KCNH7: variants seen among roughly 807,000 people sequenced by gnomAD.
KCNH7 encodes voltage-gated inwardly rectifying potassium channel KCNH7.
Under a neutral mutation model 120.8 loss-of-function variants are expected in KCNH7, and 49 were observed. The ratio of observed to expected loss-of-function variants is 0.41; its 90% confidence interval spans 0.32 to 0.51. The LOEUF is 0.51. Among genes scored for constraint, KCNH7 ranks in the 20% least tolerant of loss-of-function variants. KCNH7 has a pLI of 0.38. For missense variants in KCNH7, 1,097 were observed against 1,446.6 expected, an observed-to-expected ratio of 0.76 and a Z score of 3.92; for synonymous variants, 547 against 516.1, an observed-to-expected ratio of 1.06 and a Z score of -0.81.
chr2:162,434,127 G>T (rs1391225887), intron 8 of KCNH7, among the ~76,000 whole-genome samples: 5 of 152,080 alleles, frequency 3.3e-5, no homozygotes, highest in Non-Finnish European at 4.4e-5. Flanking sequence ...ATTAATACAG[G>T]AACAGAAAAC....
At chr2:162,686,127 G>A (rs1685882385) in intron 2 of KCNH7, among the ~76,000 whole-genome samples, 1 of 152,084 alleles carries the variant, frequency 6.6e-6, no homozygotes, top group African/African-American at 2.4e-5. Flanking sequence ...ATTACCATCT[G>A]AAGGGTATAA....
chr2:162,515,183 A>T (rs1256087413), intron 4 of KCNH7, among the ~76,000 whole-genome samples: 1 of 151,464 alleles, frequency 6.6e-6, no homozygotes, highest in Non-Finnish European at 1.5e-5. Flanking sequence ...TGACTCTAGC[A>T]TAATCTGTAA....
intron 9 of KCNH7, among the ~76,000 whole-genome samples, chr2:162,410,414 A>C (rs932625784): frequency 2.0e-5 from 3 of 151,940 alleles, no homozygotes; most frequent in Non-Finnish European, 4.4e-5. Flanking sequence ...TTTTTCCATC[A>C]ACAAAAATTA....
rs148084667 is a variant in KCNH7 at position 162,653,707 on chromosome 2, A to T, written c.308-116627T>A. On this transcript the variant is annotated intron_variant, in intron 2 of 15. Transcript: ENST00000332142. ...AATAGCAGAAGGTATCTTGAGTAAA[A>T]AGAAAAAAGTTGAAGGCATCACACT... is the stretch of plus-strand genomic sequence containing the variant. Among the ~76,000 whole-genome samples, 689 of 152,332 alleles carry T rather than the reference A, an allele frequency of 4.5e-3. 9 individuals carry two copies. The highest frequency in any genetic ancestry group is 0.016 in the African/African-American group (656 of 41,582).
intron 2 of KCNH7, among the ~76,000 whole-genome samples, chr2:162,636,541 G>T (rs559560345): frequency 1.4e-4 from 22 of 152,196 alleles, no homozygotes; most frequent in African/African-American, 4.8e-4. Flanking sequence ...AGGCCTGGAT[G>T]ATTCAAAGCA....
intron 6 of KCNH7, among the ~76,000 whole-genome samples, chr2:162,470,980 T>G (rs1689504168): frequency 6.6e-6 from 1 of 152,158 alleles, no homozygotes; most frequent in Non-Finnish European, 1.5e-5. Context: ...ATGTGCTGTG[T>G]CCACTCAGGG....
intron 2 of KCNH7, among the ~76,000 whole-genome samples, chr2:162,554,236 A>C (rs1169729633): frequency 6.6e-6 from 1 of 152,080 alleles, no homozygotes; most frequent in Non-Finnish European, 1.5e-5. Flanking sequence ...GGCATGTTTG[A>C]CTCATCTCCT....
chr2:162,520,308 A>G (rs1691475696), intron 3 of KCNH7, among the ~76,000 whole-genome samples: 3 of 151,138 alleles, frequency 2.0e-5, no homozygotes, highest in African/African-American at 7.3e-5. Context: ...TATTGATTTC[A>G]CCTCCTGAAT....
chr2:162,492,433 T>C (rs775337644), intron 6 of KCNH7, among the ~76,000 whole-genome samples: 1 of 152,210 alleles, frequency 6.6e-6, no homozygotes, highest in Non-Finnish European at 1.5e-5. Flanking sequence ...GCCATTTTAA[T>C]GGCCACATGG....
At chr2:162,485,778 C>T (rs922975960) in intron 6 of KCNH7, among the ~76,000 whole-genome samples, 1 of 152,068 alleles carries the variant, frequency 6.6e-6, no homozygotes, top group Non-Finnish European at 1.5e-5. Context: ...ATGGATATAC[C>T]TGTGGGCATA....
chr2:162,793,310 G>A (rs1684024688), intron 2 of KCNH7, among the ~76,000 whole-genome samples: 1 of 151,958 alleles, frequency 6.6e-6, no homozygotes, highest in African/African-American at 2.4e-5. Flanking sequence ...GTGTGGTGTA[G>A]GAGGAGGGAG....
At chr2:162,698,440 T>A (rs1224737443) in intron 2 of KCNH7, among the ~76,000 whole-genome samples, 4 of 152,120 alleles carry the variant, frequency 2.6e-5, no homozygotes, top group South Asian at 2.1e-4. Flanking sequence ...TTTATTTTTT[T>A]TTTTTTAACT....
In KCNH7 at chr2:162,400,582, T is replaced by C. The variant is rs1412298456; in HGVS notation, c.2155-141A>G. 3.9e-6 allele frequency: 3 copies of C among 767,614 alleles called. No homozygotes were observed. In the South Asian group the frequency reaches 5.3e-5, roughly 13 times the overall value. 47.6% of individuals were successfully genotyped at this position (767,614 alleles called of 1,614,324 possible). On this transcript the variant is annotated intron_variant, in intron 9 of 15. Transcript: ENST00000332142. ...CTACTACTCTTCTACCTCGCCTACC[T>C]TAATGAATACTTGATTTGCTAAACA...
chr2:162,748,927 TTTCC>T (rs1219510782), intron 2 of KCNH7, among the ~76,000 whole-genome samples: 3,272 of 27,802 alleles, frequency 0.12, 180 homozygotes, highest in Non-Finnish European at 0.12. Context: ...TTCCCTTTCC[TTTCC>T]TTCCTTCCTT....
chr2:162,464,748 T>C (rs1689255640), intron 6 of KCNH7, among the ~76,000 whole-genome samples: 1 of 152,026 alleles, frequency 6.6e-6, no homozygotes. Context: ...ACAGAAGCAA[T>C]GTCTTTTAAC....
intron 2 of KCNH7, among the ~76,000 whole-genome samples, chr2:162,570,049 C>T (rs867020802): frequency 8.5e-5 from 12 of 140,442 alleles, no homozygotes; most frequent in African/African-American, 3.3e-4. Flanking sequence ...ATTAGGTCTG[C>T]TTGGTGCAGA....
intron 2 of KCNH7, among the ~76,000 whole-genome samples, chr2:162,764,951 A>G (rs1682726759): frequency 6.6e-6 from 1 of 152,200 alleles, no homozygotes; most frequent in African/African-American, 2.4e-5. Flanking sequence ...TGTTAGACAT[A>G]TATAGCCATA....
chr2:162,815,974 T>C (rs1437515165), intron 2 of KCNH7, among the ~76,000 whole-genome samples: 3 of 152,184 alleles, frequency 2.0e-5, no homozygotes, highest in Non-Finnish European at 2.9e-5. Context: ...AAATCTGCCT[T>C]ACGGCAGGGT....
In KCNH7 at chr2:162,379,618, T is replaced by C. The variant is rs372470283; in HGVS notation, c.3131+235A>G. ...AAGATAGCCAGTGCTGGTGAAATAC[T>C]AACTGGATGACAAAGAAAAAAATAG... On this transcript the variant is annotated intron_variant, in intron 14 of 15. Coordinates refer to ENST00000332142, the MANE Select transcript of KCNH7 (RefSeq NM_033272.4). Among the ~76,000 whole-genome samples the C allele has an allele frequency of 3.9e-5, 6 of 152,274 alleles. No individual in the cohort carries two copies. In the East Asian group the frequency reaches 5.8e-4, roughly 15 times the overall value.
Sources: allele counts gnomAD v4.1 joint callset (sites outside exome capture counted in the v4.1 genomes callset), GRCh38; gene constraint gnomAD v4.1.1; transcripts MANE v1.5; gene names NCBI Gene and HGNC (gene_info 2026-07-23, HGNC 2026-07-21).